Variants in STRA6 observed in about 807,000 individuals in gnomAD.
The protein encoded by STRA6 is signaling receptor and transporter of retinol STRA6, also known as receptor for retinol uptake STRA6.
STRA6 carries 48 observed loss-of-function variants against 83.6 expected under a neutral mutation model. The observed-to-expected ratio is 0.57, with a 90% confidence interval of 0.46 to 0.73. The LOEUF (loss-of-function observed/expected upper bound fraction) is 0.73. Ranked by LOEUF, STRA6 falls within the 30% of genes least tolerant of loss-of-function variation. The pLI, the probability that STRA6 is intolerant of heterozygous loss-of-function variation, is 0.00. For missense variants in STRA6, 760 were observed against 838.8 expected, an observed-to-expected ratio of 0.91 and a Z score of 1.16; for synonymous variants, 353 against 362.3, an observed-to-expected ratio of 0.97 and a Z score of 0.29.
rs2072985707 is a variant in STRA6 at position 74,181,474 on chromosome 15, A to C, written c.1521-16T>G. 6.2e-7 allele frequency: 1 copy of C among 1,612,936 alleles called. No homozygotes were observed. Among genetic ancestry groups the C allele is most frequent in the Non-Finnish European group, 8.5e-7 (1 of 1,179,664 alleles). ...GAGCACTCGCCTAGGATGGGAGAAG[A>C]AAGCTGAGGCAGGCCGTTCCCCAGA... is the stretch of plus-strand genomic sequence containing the variant. On this transcript the variant is annotated splice_polypyrimidine_tract_variant and intron_variant, in intron 16 of 18. Transcript: ENST00000395105.
At chr15:74,195,948 G>A (rs1305716912) in intron 5 of STRA6, 60 bp downstream of exon 5, 23 of 1,607,392 alleles carry the variant, frequency 1.4e-5, no homozygotes, top group South Asian at 1.1e-4. Context: ...TTAAAACTCC[G>A]AGACCCCACC....
chr15:74,205,810 G>C (rs2074248116), upstream of STRA6, among the ~76,000 whole-genome samples: 3 of 152,196 alleles, frequency 2.0e-5, no homozygotes, highest in Admixed American at 2.0e-4. Context: ...AGACACAGAG[G>C]CCACCAAGGG....
chr15:74,205,811 C>T (rs186936120), upstream of STRA6, among the ~76,000 whole-genome samples: 39 of 152,326 alleles, frequency 2.6e-4, no homozygotes, highest in East Asian at 6.0e-3. Context: ...GACACAGAGG[C>T]CACCAAGGGA....
upstream of STRA6, chr15:74,209,441 A>G (rs1023286831): frequency 6.5e-7 from 1 of 1,535,428 alleles, no homozygotes; most frequent in Middle Eastern, 1.7e-4. Flanking sequence ...GGCTCTTAAT[A>G]ACCGGATCTG....
upstream of STRA6, among the ~76,000 whole-genome samples, chr15:74,205,312 T>C (rs979909281): frequency 1.3e-5 from 2 of 152,172 alleles, no homozygotes; most frequent in African/African-American, 4.8e-5. Flanking sequence ...CTCACAGTTC[T>C]GCAGGCTGTG....
upstream of STRA6, chr15:74,207,560 G>A: frequency 1.2e-6 from 1 of 814,770 alleles, no homozygotes; most frequent in Non-Finnish European, 2.0e-6. Context: ...TCCCATCTCA[G>A]CCCTTGACTC....
chr15:74,193,619 G>A (rs564960920), intron 8 of STRA6, among the ~76,000 whole-genome samples, 181 bp downstream of exon 8: 5 of 152,262 alleles, frequency 3.3e-5, no homozygotes, highest in African/African-American at 9.6e-5. Context: ...CCAGTCAAGG[G>A]CCCAGTCCAG....
At chr15:74,181,538 G>A in intron 16 of STRA6, 80 bp from the exon 17 acceptor site, 1 of 1,553,190 alleles carries the variant, frequency 6.4e-7, no homozygotes, top group Non-Finnish European at 8.8e-7. Context: ...TGGATGCCCA[G>A]AACTGCTGTG....
intron 7 of STRA6, 169 bp downstream of exon 7, chr15:74,195,133 C>A: frequency 1.3e-6 from 2 of 1,502,230 alleles, no homozygotes; most frequent in Non-Finnish European, 1.8e-6. Flanking sequence ...GCCTCTCCTG[C>A]AGAGCAGCCA....
chr15:74,189,335 G>C (rs2142024299), intron 11 of STRA6, 58 bp from the exon 12 acceptor site: 1 of 1,548,080 alleles, frequency 6.5e-7, no homozygotes, highest in South Asian at 1.2e-5. Context: ...GTGCTAACAG[G>C]GGAGACGCTG....
upstream of STRA6, among the ~76,000 whole-genome samples, chr15:74,211,541 C>T (rs576747629): frequency 3.1e-4 from 47 of 152,164 alleles, no homozygotes; most frequent in South Asian, 8.7e-3. Flanking sequence ...GCTCGGATTA[C>T]AGGCATGCAC....
chr15:74,195,916 C>G, intron 5 of STRA6, 92 bp downstream of exon 5: 2 of 1,561,906 alleles, frequency 1.3e-6, no homozygotes, highest in Non-Finnish European at 1.7e-6. Flanking sequence ...GTTCCTGTTA[C>G]TCTCATCTCC....
Position 74,191,042 on chromosome 15 carries a change from C to T in STRA6, c.865+125G>A, listed in dbSNP as rs1050062021. On this transcript the variant is annotated intron_variant, in intron 10 of 18. Transcript: ENST00000395105. ...GCCAGGGTCTTCCCGCTGTCCCAAG[C>T]TGGTAGTTGTCCCTCTTGATGACAA... 5.7e-6 allele frequency: 9 copies of T among 1,566,256 alleles called. No individual in the cohort carries two copies. In the African/African-American group the frequency reaches 1.2e-4, roughly 21 times the overall value.
chr15:74,207,996 T>C (rs1469695145), intron 1 of STRA6: 2 of 1,406,542 alleles, frequency 1.4e-6, no homozygotes, highest in African/African-American at 2.9e-5. Context: ...AGAAGCACCA[T>C]CTGATGTGCC....
chr15:74,211,731 T>A (rs2074371098), upstream of STRA6, among the ~76,000 whole-genome samples: 1 of 151,978 alleles, frequency 6.6e-6, no homozygotes, highest in African/African-American at 2.4e-5. Flanking sequence ...CTGGTTGTCC[T>A]CCTGTCTGCC....
chr15:74,188,971 G>T lies in STRA6; in HGVS notation c.1090+144C>A. 1.0e-6 allele frequency: 1 copy of T among 981,574 alleles called. No individual in the cohort carries two copies. The highest frequency in any genetic ancestry group is 1.5e-6 in the Non-Finnish European group (1 of 659,938). The allele number at this position is 981,574 out of a possible 1,614,324, so 60.8% of individuals were successfully genotyped here. A position where few individuals can be genotyped will look rare whatever the true frequency, so the allele number is the denominator to read the frequency against. On this transcript the variant is annotated intron_variant, in intron 12 of 18. Coordinates refer to ENST00000395105, the MANE Select transcript of STRA6 (RefSeq NM_022369.4). This position sits in a 1 kb window ranked among gnomAD's most constrained non-coding sequence, Gnocchi z 4.5. ...CTGGAAGCGCCAACTGCCACAATTT[G>T]GAGATGAGGCAATCGAGACCCAGAG...
rs7169600 is a variant in STRA6 at position 74,182,696 on chromosome 15, A to G, written c.1301-236T>C. 1.2e-3 allele frequency: 665 copies of G among 544,690 alleles called. 3 individuals carry two copies. Among genetic ancestry groups the G allele is most frequent in the African/African-American group, 0.012 (611 of 52,920 alleles). 33.7% of individuals were successfully genotyped at this position (544,690 alleles called of 1,614,324 possible). A position where few individuals can be genotyped will look rare whatever the true frequency, so the allele number is the denominator to read the frequency against. ...CCTCAGAGGCTGTTGTAAGGATCCA[A>G]TGAGATAATGTCTGTGGAAACTCTT... On this transcript the variant is annotated intron_variant, in intron 14 of 18. Coordinates refer to ENST00000395105, the MANE Select transcript of STRA6 (RefSeq NM_022369.4).
intron 1 of STRA6, chr15:74,207,894 C>G (rs1297415167): frequency 1.3e-6 from 2 of 1,493,588 alleles, no homozygotes; most frequent in Non-Finnish European, 1.8e-6. Flanking sequence ...AAGGCAGTGT[C>G]GTCGGCTGCC....
chr15:74,181,406 C>T lies in STRA6; in HGVS notation c.1573G>A (p.Gly525Ser). The T allele has an allele frequency of 6.2e-7, 1 of 1,613,440 alleles. No homozygotes were observed. Among genetic ancestry groups the T allele is most frequent in the Non-Finnish European group, 8.5e-7 (1 of 1,179,690 alleles). ...FLLFPLNVLVGAMVATWRVLL... is the reference protein window; with the variant it reads ...FLLFPLNVLVSAMVATWRVLL... Reference sequence around the variant, plus strand: ...ACTCGCCAGGTGGCCACCATGGCACCCACCAGCACATTGAGGGGGAAGAGA... The same window carrying T: ...ACTCGCCAGGTGGCCACCATGGCACTCACCAGCACATTGAGGGGGAAGAGA... The change falls in exon 17 of 19, where the codon GGT (glycine) becomes AGT (serine). Residue 525 changes from glycine (G) to serine (S), a missense_variant. Coordinates refer to ENST00000395105, the MANE Select transcript of STRA6 (RefSeq NM_022369.4).
Sources: allele counts gnomAD v4.1 joint callset (sites outside exome capture counted in the v4.1 genomes callset), GRCh38; gene constraint gnomAD v4.1.1; non-coding constraint Gnocchi (gnomAD v3.1); transcripts MANE v1.5; gene names NCBI Gene and HGNC (gene_info 2026-07-23, HGNC 2026-07-21).